The following ARIH1 variants were observed in gnomAD, a reference collection of about 807,000 sequenced individuals.
ARIH1 encodes the protein ariadne RBR E3 ubiquitin protein ligase 1, also known as E3 ubiquitin-protein ligase ARIH1.
Under a neutral mutation model 85.0 loss-of-function variants are expected in ARIH1, and 8 were observed. The observed-to-expected ratio is 0.09, with a 90% CI of 0.06 to 0.17. The LOEUF is 0.17. Ranked by LOEUF, ARIH1 falls within the 10% of genes least tolerant of loss-of-function variation. ARIH1 has a pLI of 1.00. For missense variants in ARIH1, 311 were observed against 718.1 expected (o/e 0.43, Z 6.48); for synonymous variants, 238 against 253.6 (o/e 0.94, Z 0.59).
At chr15:72,538,543 G>A (rs911383110) in intron 2 of ARIH1, among the ~76,000 whole-genome samples, 4 of 152,120 alleles carry the variant, frequency 2.6e-5, no homozygotes, top group Admixed American at 6.5e-5. Flanking sequence ...TATTCGAATG[G>A]CAGTGATGCC....
At chr15:72,516,662 G>A (rs35263304) in intron 1 of ARIH1, among the ~76,000 whole-genome samples, 6,166 of 152,268 alleles carry the variant, frequency 0.04, 162 homozygotes, top group East Asian at 0.084. Flanking sequence ...ACTAAGGTGA[G>A]TAAGTGAGTG....
intron 1 of ARIH1, among the ~76,000 whole-genome samples, chr15:72,506,980 TTATGTATGTATGTATGTATGTATGTATG>T (rs72006883): frequency 2.7e-5 from 4 of 149,996 alleles, no homozygotes; most frequent in Non-Finnish European, 5.9e-5. Context: ...GTGATTATTT[TTATGTATGTATGTATGTATGTATGTATG>T]TATGTATGTA....
rs1240875080 is a variant in ARIH1, at chr15:72,485,522, A to G, written c.375+10508A>G. 3.3e-5 allele frequency among the ~76,000 whole-genome samples: 5 copies of G among 151,674 alleles called. No homozygotes were observed. In the East Asian group the frequency reaches 7.8e-4, roughly 24 times the overall value. ...ATGCATCTCAATACAGTGTTTGCCT[A>G]TTGATTTTTTTTTTTAATGGAAAGA... On this transcript the variant is annotated intron_variant, in intron 1 of 13. Coordinates refer to ENST00000379887, the MANE Select transcript of ARIH1 (RefSeq NM_005744.5).
chr15:72,529,473 T>C (rs920377903), intron 2 of ARIH1, among the ~76,000 whole-genome samples: 1 of 152,176 alleles, frequency 6.6e-6, no homozygotes, highest in African/African-American at 2.4e-5. Context: ...CAAGCAGTCC[T>C]CCTCTCTTGG....
chr15:72,539,063 C>G (rs1054352743), intron 2 of ARIH1, among the ~76,000 whole-genome samples: 1 of 152,202 alleles, frequency 6.6e-6, no homozygotes. Flanking sequence ...GAGAGAAGCA[C>G]AGTCCTAGGA....
At chr15:72,481,238 C>T (rs2063815473) in intron 1 of ARIH1, among the ~76,000 whole-genome samples, 1 of 152,152 alleles carries the variant, frequency 6.6e-6, no homozygotes, top group Admixed American at 6.5e-5. Context: ...GAATCAAACT[C>T]TGGGGATGGG....
At chr15:72,558,782 C>T (rs188927839) in intron 5 of ARIH1, among the ~76,000 whole-genome samples, 2 of 152,306 alleles carry the variant, frequency 1.3e-5, no homozygotes, top group Admixed American at 1.3e-4. Flanking sequence ...GTCCTAATAA[C>T]TGTTGGCTGA....
rs1337826803 is a variant in ARIH1 at position 72,474,763 on chromosome 15, C to T, written c.124C>T (p.Leu42=). The change falls in exon 1 of 14, where the codon CTG becomes TTG. Residue 42 remains leucine (L), a synonymous_variant. Transcript: ENST00000379887. Reference sequence around the variant, plus strand: ...CGAGCCGGACGATGATACCCTGGATCTGGGCGAGGTGGAGCTGGTGGAGCC... The same window carrying T: ...CGAGCCGGACGATGATACCCTGGATTTGGGCGAGGTGGAGCTGGTGGAGCC... ...DDEPDDDTLD[L]GEVELVEPGL... The T allele has an allele frequency of 3.2e-6, 5 of 1,549,916 alleles. No individual in the cohort carries two copies. Among genetic ancestry groups the T allele is most frequent in the African/African-American group, 2.8e-5 (2 of 70,374 alleles).
rs1356926418 is a variant in ARIH1, at chr15:72,592,215, T to G, written c.*8923T>G. 1 of 152,256 alleles carries G rather than the reference T, an allele frequency of 6.6e-6. No individual in the cohort carries two copies. Among genetic ancestry groups the G allele is most frequent in the African/African-American group, 2.4e-5 (1 of 41,464 alleles). The allele number at this position is 152,256 out of a possible 1,614,324, so 9.4% of individuals were successfully genotyped here. A position where few individuals can be genotyped will look rare whatever the true frequency, so the allele number is the denominator to read the frequency against. On this transcript the variant is annotated 3_prime_UTR_variant, in exon 14 of 14. Transcript: ENST00000379887. ...AACCAATGGAAATAAATGACTGTTG[T>G]TTCCACAAAATTGCTTTACAGATTC...
intron 1 of ARIH1, among the ~76,000 whole-genome samples, 171 bp from the exon 2 acceptor site, chr15:72,517,896 A>G (rs1236843962): frequency 6.6e-6 from 1 of 152,192 alleles, no homozygotes; most frequent in Non-Finnish European, 1.5e-5. Context: ...CTATGTTTAA[A>G]TAGTCTTGAT....
At chr15:72,515,035 C>CT (rs1193899583) in intron 1 of ARIH1, among the ~76,000 whole-genome samples, 8 of 152,006 alleles carry the variant, frequency 5.3e-5, no homozygotes, top group Non-Finnish European at 1.2e-4. Flanking sequence ...TTAAGGTGTT[C>CT]TTTTTTTACC....
rs1423871331 is a variant in ARIH1, at chr15:72,588,187, G to GTAGTA, written c.*4895_*4896insTAGTA. ...AAATAGAGTACCCTGGAGTAGATGG[G>GTAGTA]CTCTGAGAGGAGCCTGTGAAATCCA... On this transcript the variant is annotated 3_prime_UTR_variant, in exon 14 of 14. Transcript: ENST00000379887. The GTAGTA allele has an allele frequency of 1.4e-4, 22 of 152,244 alleles. No homozygotes were observed. The highest frequency in any genetic ancestry group is 5.1e-4 in the African/African-American group (21 of 41,536). 9.4% of individuals were successfully genotyped at this position (152,244 alleles called of 1,614,324 possible).
rs1209862044 is a variant in ARIH1, at chr15:72,597,672, C to T, written c.*14380C>T. The T allele has an allele frequency of 6.6e-6, 1 of 152,164 alleles. No homozygotes were observed. The highest frequency in any genetic ancestry group is 1.5e-5 in the Non-Finnish European group (1 of 68,024). 9.4% of individuals were successfully genotyped at this position (152,164 alleles called of 1,614,324 possible). On this transcript the variant is annotated 3_prime_UTR_variant, in exon 14 of 14. Transcript: ENST00000379887. ...GCTCTCTCAGCGTTCCTTCTATTAT[C>T]CACACCTTTAGTGTACTACACCTTC...
chr15:72,579,927 T>C (rs1163950478), intron 11 of ARIH1, among the ~76,000 whole-genome samples: 6 of 152,206 alleles, frequency 3.9e-5, no homozygotes, highest in African/African-American at 1.4e-4. Context: ...TGCCTTGCCT[T>C]AACATTTTTA....
chr15:72,538,116 C>T (rs1006445973), intron 2 of ARIH1, among the ~76,000 whole-genome samples: 19 of 152,138 alleles, frequency 1.2e-4, no homozygotes, highest in Non-Finnish European at 2.6e-4. Flanking sequence ...GTAATCCCAG[C>T]ACTTTGGGAG....
intron 11 of ARIH1, among the ~76,000 whole-genome samples, chr15:72,575,243 C>T (rs932716704): frequency 6.6e-6 from 1 of 152,096 alleles, no homozygotes; most frequent in African/African-American, 2.4e-5. Flanking sequence ...GCTTTCAGGT[C>T]GCTGATTACA....
chr15:72,557,242 G>A (rs1267018498), intron 5 of ARIH1, among the ~76,000 whole-genome samples: 1 of 151,816 alleles, frequency 6.6e-6, no homozygotes, highest in Non-Finnish European at 1.5e-5. Context: ...TTTTGTACCT[G>A]TTGGCTGCGT....
In ARIH1 at chr15:72,504,026, A is replaced by G. The variant is rs543528868; in HGVS notation, c.376-14041A>G. Among the ~76,000 whole-genome samples the G allele has an allele frequency of 5.5e-4, 84 of 152,230 alleles. 1 individual carries two copies. In the Middle Eastern group the frequency reaches 0.024, roughly 43 times the overall value. On this transcript the variant is annotated intron_variant, in intron 1 of 13. Coordinates refer to ENST00000379887, the MANE Select transcript of ARIH1 (RefSeq NM_005744.5). ...GTGGGGCAGCCGCCCTCCACTAGTG[A>G]GGGCAAAGGGCCAGTGTGATAGCCT...
chr15:72,586,921 G>A lies in ARIH1; in HGVS notation c.*3629G>A, dbSNP rs965080824. On this transcript the variant is annotated 3_prime_UTR_variant, in exon 14 of 14. Coordinates refer to ENST00000379887, the MANE Select transcript of ARIH1 (RefSeq NM_005744.5). Reference sequence around the variant, plus strand: ...ACTCCTTTACATTACTTTCATTTTAGCTCACTCTTAAAGCTGATACTGTTA... The same window carrying A: ...ACTCCTTTACATTACTTTCATTTTAACTCACTCTTAAAGCTGATACTGTTA... The A allele has an allele frequency of 1.6e-5, 3 of 191,778 alleles. No homozygotes were observed. Among genetic ancestry groups the A allele is most frequent in the African/African-American group, 7.2e-5 (3 of 41,692 alleles). The allele number at this position is 191,778 out of a possible 1,614,324, so 11.9% of individuals were successfully genotyped here. A position where few individuals can be genotyped will look rare whatever the true frequency, so the allele number is the denominator to read the frequency against.
Sources: gnomAD v4.1 joint callset for allele counts (sites outside exome capture counted in the v4.1 genomes callset) on GRCh38, gnomAD v4.1.1 for gene constraint, MANE v1.5 for transcripts, NCBI Gene and HGNC (gene_info 2026-07-23, HGNC 2026-07-21) for gene names.